Variants in KCNMB2 observed in about 807,000 individuals in gnomAD.
KCNMB2 encodes potassium calcium-activated channel subfamily M regulatory beta subunit 2.
Under a neutral mutation model 24.5 loss-of-function variants are expected in KCNMB2, and 9 were observed. The observed-to-expected ratio is 0.37, with a 90% CI of 0.22 to 0.64. The LOEUF (loss-of-function observed/expected upper bound fraction) is 0.64. Ranked by LOEUF, KCNMB2 falls within the 30% of genes least tolerant of loss-of-function variation. The pLI is 0.63. For missense variants in KCNMB2, 226 were observed against 284.3 expected, an observed-to-expected ratio of 0.79 and a Z score of 1.47; for synonymous variants, 109 against 104.4, an observed-to-expected ratio of 1.04 and a Z score of -0.27.
chr3:178,648,623 C>T (rs1434941613), intron 1 of KCNMB2, among the ~76,000 whole-genome samples: 4 of 152,332 alleles, frequency 2.6e-5, no homozygotes, highest in Non-Finnish European at 5.9e-5. Flanking sequence ...GTGAACCATT[C>T]TGTTTTTATG....
chr3:178,727,741 T>C (rs1458926244), intron 1 of KCNMB2, among the ~76,000 whole-genome samples: 1 of 152,212 alleles, frequency 6.6e-6, no homozygotes, highest in Non-Finnish European at 1.5e-5. Context: ...AATGCATCAC[T>C]GCACACACCT....
In KCNMB2 at chr3:178,731,020, C is replaced by A. The variant is rs192485903; in HGVS notation, c.-67-76323C>A. ...TTCATAAACAAAACAAACAAGTATT[C>A]CTGCTTTAGTGGAAGAGACATACGA... On this transcript the variant is annotated intron_variant, in intron 1 of 4. Coordinates refer to ENST00000452583, the MANE Select transcript of KCNMB2 (RefSeq NM_181361.3). Among the ~76,000 whole-genome samples, 584 of 151,818 alleles carry A rather than the reference C, an allele frequency of 3.8e-3. 3 individuals carry two copies. The highest frequency in any genetic ancestry group is 6.3e-3 in the Non-Finnish European group (426 of 67,924).
intron 1 of KCNMB2, among the ~76,000 whole-genome samples, chr3:178,547,009 C>T (rs554468493): frequency 1.3e-5 from 2 of 152,188 alleles, no homozygotes; most frequent in Non-Finnish European, 2.9e-5. Flanking sequence ...GTGACAGAAA[C>T]TTAATCCCCA....
At chr3:178,818,102 T>C (rs4502560) in intron 2 of KCNMB2, among the ~76,000 whole-genome samples, 100,924 of 152,114 alleles carry the variant, frequency 0.66, 35,799 homozygotes, top group African/African-American at 0.92. Context: ...TGCCCCATCA[T>C]GTATCTGATA....
At chr3:178,575,944 A>G (rs994333909) in intron 1 of KCNMB2, among the ~76,000 whole-genome samples, 1 of 152,160 alleles carries the variant, frequency 6.6e-6, no homozygotes, top group South Asian at 2.1e-4. Flanking sequence ...TCACAGAAAT[A>G]TGATTTTTAA....
At chr3:178,578,464 C>T (rs575909105) in intron 1 of KCNMB2, among the ~76,000 whole-genome samples, 1 of 152,300 alleles carries the variant, frequency 6.6e-6, no homozygotes, top group African/African-American at 2.4e-5. Context: ...AAAGAAACTG[C>T]ATCAACTGAC....
intron 1 of KCNMB2, among the ~76,000 whole-genome samples, chr3:178,672,377 C>A (rs76766129): frequency 3.2e-4 from 48 of 152,264 alleles, no homozygotes; most frequent in Middle Eastern, 3.4e-3. Context: ...GCTGGAATTA[C>A]AACCTAGGTC....
chr3:178,728,065 A>G lies in KCNMB2; in HGVS notation c.-67-79278A>G, dbSNP rs566359002. On this transcript the variant is annotated intron_variant, in intron 1 of 4. Transcript: ENST00000452583. The stretch of plus-strand genomic sequence containing the variant: ...ATAGGCCTTATGCATGGAACTGGCT[A>G]TCTGTGAATTTTTTCATTAATCACC... 3.9e-5 allele frequency among the ~76,000 whole-genome samples: 6 copies of G among 152,280 alleles called. No individual in the cohort carries two copies. The East Asian group carries it at 1.2e-3, about 29-fold the overall frequency.
At chr3:178,755,194 T>C (rs1436386549) in intron 1 of KCNMB2, among the ~76,000 whole-genome samples, 2 of 152,188 alleles carry the variant, frequency 1.3e-5, no homozygotes, top group African/African-American at 4.8e-5. Context: ...TGCCTGTGCA[T>C]AGCAGGAGCA....
chr3:178,619,798 A>G (rs1718842856), intron 1 of KCNMB2, among the ~76,000 whole-genome samples: 2 of 152,326 alleles, frequency 1.3e-5, no homozygotes, highest in South Asian at 4.1e-4. Flanking sequence ...TGTGAGAGAA[A>G]TGGAAGCCTT....
At chr3:178,648,681 TCTGTTA>T (rs1720004968) in intron 1 of KCNMB2, among the ~76,000 whole-genome samples, 2 of 152,388 alleles carry the variant, frequency 1.3e-5, no homozygotes, top group African/African-American at 4.8e-5. Context: ...ATTTTACTTA[TCTGTTA>T]GCCTAGCTGG....
intron 1 of KCNMB2, among the ~76,000 whole-genome samples, chr3:178,714,336 C>T (rs1722549385): frequency 6.6e-6 from 1 of 152,188 alleles, no homozygotes; most frequent in Non-Finnish European, 1.5e-5. Context: ...GAGACAGACC[C>T]TCAAACAAGT....
intron 1 of KCNMB2, among the ~76,000 whole-genome samples, chr3:178,543,048 A>G (rs1008715012): frequency 3.3e-5 from 5 of 152,222 alleles, no homozygotes; most frequent in Non-Finnish European, 7.3e-5. Flanking sequence ...ATCTAAGATG[A>G]AACTATAAAC....
At chr3:178,556,487 C>A (rs1443461490) in intron 1 of KCNMB2, among the ~76,000 whole-genome samples, 4 of 152,170 alleles carry the variant, frequency 2.6e-5, no homozygotes, top group South Asian at 2.1e-4. Flanking sequence ...TTGCTGCAAC[C>A]TCCGCCTTCC....
intron 1 of KCNMB2, among the ~76,000 whole-genome samples, chr3:178,692,994 T>C (rs1161685443): frequency 6.6e-6 from 1 of 152,222 alleles, no homozygotes; most frequent in East Asian, 1.9e-4. Context: ...CCTAGACATT[T>C]TATTCTTTTT....
chr3:178,787,113 G>A (rs1713137243), intron 1 of KCNMB2, among the ~76,000 whole-genome samples: 1 of 150,364 alleles, frequency 6.7e-6, no homozygotes, highest in Admixed American at 6.6e-5. Context: ...TCTTTTCTTT[G>A]TGCCTTTCTC....
At chr3:178,786,036 C>G (rs1239943187) in intron 1 of KCNMB2, among the ~76,000 whole-genome samples, 1 of 152,158 alleles carries the variant, frequency 6.6e-6, no homozygotes, top group East Asian at 1.9e-4. Context: ...TCAGTCATCT[C>G]TATCTCCAGA....
intron 1 of KCNMB2, among the ~76,000 whole-genome samples, chr3:178,609,623 T>TAA (rs1268381619): frequency 5.9e-5 from 9 of 152,036 alleles, no homozygotes; most frequent in African/African-American, 2.2e-4. Context: ...ATCTTAGATA[T>TAA]AAGTCTTTAG....
intron 1 of KCNMB2, among the ~76,000 whole-genome samples, chr3:178,653,747 A>G (rs1195790375): frequency 3.3e-5 from 5 of 152,226 alleles, no homozygotes; most frequent in South Asian, 2.1e-4. Context: ...TTAAGATTGA[A>G]TCATGCTTAA....
Sources: gnomAD v4.1 joint callset for allele counts (sites outside exome capture counted in the v4.1 genomes callset) on GRCh38, gnomAD v4.1.1 for gene constraint, MANE v1.5 for transcripts, NCBI Gene and HGNC (gene_info 2026-07-23, HGNC 2026-07-21) for gene names.